Variants in DCTN5 observed in about 807,000 individuals in gnomAD.
DCTN5 encodes dynactin subunit 5.
A neutral mutation model predicts 23.5 loss-of-function variants in DCTN5; 14 were observed. That is an observed-to-expected ratio of 0.60 (90% CI 0.39 to 0.93). The LOEUF (loss-of-function observed/expected upper bound fraction) is 0.93, where lower values mean the gene tolerates loss of function less well. Ranked by LOEUF, DCTN5 falls within the 40% of genes least tolerant of loss-of-function variation. The pLI, the probability that DCTN5 is intolerant of heterozygous loss-of-function variation, is 0.00. For missense variants in DCTN5, 156 were observed against 225.9 expected, an observed-to-expected ratio of 0.69 and a Z score of 1.98; for synonymous variants, 67 against 79.6, an observed-to-expected ratio of 0.84 and a Z score of 0.84.
chr16:23,648,351 T>TTTTTTC (rs1567229636), intron 2 of DCTN5, among the ~76,000 whole-genome samples: 3 of 129,600 alleles, frequency 2.3e-5, no homozygotes. Context: ...TTTCTTTTTT[T>TTTTTTC]TTTTTTTTTT....
At chr16:23,665,175 G>T (rs1235944395) in intron 4 of DCTN5, among the ~76,000 whole-genome samples, 1 of 152,190 alleles carries the variant, frequency 6.6e-6, no homozygotes, top group African/African-American at 2.4e-5. Context: ...GTCATATGCT[G>T]ACCTGTTATT....
Position 23,645,083 on chromosome 16 carries a change from CTATATATATATATATATATATA to C in DCTN5, c.117+2094_117+2115del, listed in dbSNP as rs869302728. ...GTGTGAGCCACTGCACCCAGCCTAA[CTATATATATATATATATATATA>C]TATATATATATATATATATATATAT... On this transcript the variant is annotated intron_variant, in intron 2 of 5. Coordinates refer to ENST00000300087, the MANE Select transcript of DCTN5 (RefSeq NM_032486.4). 1.2e-3 allele frequency among the ~76,000 whole-genome samples: 41 copies of C among 33,124 alleles called. 2 individuals carry two copies. The highest frequency in any genetic ancestry group is 8.8e-3 in the East Asian group (5 of 568). The allele number at this position is 33,124 out of a possible 152,430, so 21.7% of individuals were successfully genotyped here.
At chr16:23,648,885 TC>T (rs1437814566) in intron 2 of DCTN5, among the ~76,000 whole-genome samples, 1 of 152,052 alleles carries the variant, frequency 6.6e-6, no homozygotes, top group Non-Finnish European at 1.5e-5. Flanking sequence ...TGAGACAGAA[TC>T]CCGCTCCATT....
chr16:23,650,415 T>G (rs1967574718), intron 2 of DCTN5, among the ~76,000 whole-genome samples: 1 of 151,964 alleles, frequency 6.6e-6, no homozygotes, highest in African/African-American at 2.4e-5. Context: ...ACCTCCAGGT[T>G]CAAGCGATTC....
chr16:23,650,317 T>C (rs1340053707), intron 2 of DCTN5, among the ~76,000 whole-genome samples: 2 of 152,092 alleles, frequency 1.3e-5, no homozygotes, highest in African/African-American at 4.8e-5. Flanking sequence ...CATTGTGGTC[T>C]GTGCATTTTA....
Position 23,675,861 on chromosome 16 carries a change from A to G in DCTN5, c.*8717A>G, listed in dbSNP as rs542100888. ...TGAGATGGATCAACTTGTATCCTGAACAAGCAAAACTGTTTGGGACTCACT... is the reference window on the plus strand; with the variant it reads ...TGAGATGGATCAACTTGTATCCTGAGCAAGCAAAACTGTTTGGGACTCACT... On this transcript the variant is annotated 3_prime_UTR_variant, in exon 6 of 6. Coordinates refer to ENST00000300087, the MANE Select transcript of DCTN5 (RefSeq NM_032486.4). The G allele has an allele frequency of 6.6e-6, 1 of 152,326 alleles. No individual in the cohort carries two copies. The highest frequency in any genetic ancestry group is 1.9e-4 in the East Asian group (1 of 5,188). 9.4% of individuals were successfully genotyped at this position (152,326 alleles called of 1,614,324 possible). A position where few individuals can be genotyped will look rare whatever the true frequency, so the allele number is the denominator to read the frequency against.
At chr16:23,651,908 G>A (rs766927381) in intron 2 of DCTN5, among the ~76,000 whole-genome samples, 9 of 152,044 alleles carry the variant, frequency 5.9e-5, no homozygotes, top group Admixed American at 4.6e-4. Context: ...GATGGCATGC[G>A]CCTGTAATCC....
intron 2 of DCTN5, among the ~76,000 whole-genome samples, chr16:23,656,483 A>G (rs1183064197): frequency 4.6e-5 from 7 of 151,902 alleles, no homozygotes; most frequent in Non-Finnish European, 1.0e-4. Flanking sequence ...TCTCCATGCC[A>G]TTTATATATT....
intron 2 of DCTN5, among the ~76,000 whole-genome samples, chr16:23,644,215 C>T (rs1384290353): frequency 2.6e-5 from 4 of 151,878 alleles, no homozygotes; most frequent in African/African-American, 9.7e-5. Flanking sequence ...GCAACTTCCA[C>T]CTCCTGGCAT....
intron 2 of DCTN5, among the ~76,000 whole-genome samples, chr16:23,653,145 A>G (rs530529095): frequency 2.2e-4 from 34 of 152,338 alleles, no homozygotes; most frequent in Non-Finnish European, 4.4e-4. Context: ...CTGTCCCCCA[A>G]AAAATGAAAA....
rs967917101 is a variant in DCTN5 at position 23,671,965 on chromosome 16, CATACCATG to C, written c.*4822_*4829del. 29 of 152,240 alleles carry C rather than the reference CATACCATG, an allele frequency of 1.9e-4. No individual in the cohort carries two copies. The highest frequency in any genetic ancestry group is 6.5e-4 in the African/African-American group (27 of 41,454). The allele number at this position is 152,240 out of a possible 1,614,324, so 9.4% of individuals were successfully genotyped here. A position where few individuals can be genotyped will look rare whatever the true frequency, so the allele number is the denominator to read the frequency against. On this transcript the variant is annotated 3_prime_UTR_variant, in exon 6 of 6. Coordinates refer to ENST00000300087, the MANE Select transcript of DCTN5 (RefSeq NM_032486.4). The stretch of plus-strand genomic sequence containing the variant: ...TGAAATTCACACCCACTCTGGCTTT[CATACCATG>C]GGTCTGAACATTAGCCCATGGTGTT...
intron 2 of DCTN5, among the ~76,000 whole-genome samples, chr16:23,644,982 G>A (rs1245051430): frequency 2.1e-5 from 3 of 141,292 alleles, no homozygotes; most frequent in African/African-American, 5.3e-5. Context: ...GTTTTGCCAC[G>A]TTGGCCAGGC....
At chr16:23,661,144 G>T in intron 3 of DCTN5, 26 bp from the exon 4 acceptor site, 1 of 1,528,548 alleles carries the variant, frequency 6.5e-7, no homozygotes. Context: ...TGACCTTTCT[G>T]TGTTCATCTT....
chr16:23,647,912 A>G (rs1967504837), intron 2 of DCTN5, among the ~76,000 whole-genome samples: 2 of 152,192 alleles, frequency 1.3e-5, no homozygotes, highest in Non-Finnish European at 2.9e-5. Flanking sequence ...AACACCAGTG[A>G]ACCCTATACC....
chr16:23,663,828 C>G (rs1238278115), intron 4 of DCTN5, among the ~76,000 whole-genome samples: 3 of 152,164 alleles, frequency 2.0e-5, no homozygotes, highest in African/African-American at 7.2e-5. Flanking sequence ...ATCAGTCTAC[C>G]CAGACAGCTT....
In DCTN5 at chr16:23,676,862, A is replaced by G. The variant is rs1959230114; in HGVS notation, c.*9718A>G. On this transcript the variant is annotated 3_prime_UTR_variant, in exon 6 of 6. Coordinates refer to ENST00000300087, the MANE Select transcript of DCTN5 (RefSeq NM_032486.4). Reference sequence around the variant, plus strand: ...CAGGAGGGTTCTCATTACTCCCTAAATGATAAGAGTGGCTCACTGTGCCTA... The same window carrying G: ...CAGGAGGGTTCTCATTACTCCCTAAGTGATAAGAGTGGCTCACTGTGCCTA... 6.6e-6 allele frequency: 1 copy of G among 152,186 alleles called. No individual in the cohort carries two copies. Among genetic ancestry groups the G allele is most frequent in the African/African-American group, 2.4e-5 (1 of 41,446 alleles). 9.4% of individuals were successfully genotyped at this position (152,186 alleles called of 1,614,324 possible).
intron 2 of DCTN5, among the ~76,000 whole-genome samples, chr16:23,645,265 AC>A (rs1456185995): frequency 6.7e-6 from 1 of 150,154 alleles, no homozygotes; most frequent in Non-Finnish European, 1.5e-5. Context: ...CTCCCCAGTT[AC>A]AGGCATGTGC....
Position 23,670,528 on chromosome 16 carries a change from A to C in DCTN5, c.*3384A>C, listed in dbSNP as rs1408904198. On this transcript the variant is annotated 3_prime_UTR_variant, in exon 6 of 6. Coordinates refer to ENST00000300087, the MANE Select transcript of DCTN5 (RefSeq NM_032486.4). The stretch of plus-strand genomic sequence containing the variant: ...AGAGCCTAGAGGGTGCTGCCCAGCC[A>C]TATTCTGGCTAGCCTCAGCGGTTCT... The C allele has an allele frequency of 6.6e-6, 1 of 152,152 alleles. No individual in the cohort carries two copies. The highest frequency in any genetic ancestry group is 1.5e-5 in the Non-Finnish European group (1 of 68,032). The allele number at this position is 152,152 out of a possible 1,614,324, so 9.4% of individuals were successfully genotyped here.
chr16:23,642,401 G>C (rs1967305638), intron 1 of DCTN5, among the ~76,000 whole-genome samples: 1 of 152,202 alleles, frequency 6.6e-6, no homozygotes, highest in African/African-American at 2.4e-5. Context: ...GCGTGGAAGT[G>C]GGATTTGAAT....
Sources: gnomAD v4.1 joint callset for allele counts (sites outside exome capture counted in the v4.1 genomes callset) on GRCh38, gnomAD v4.1.1 for gene constraint, MANE v1.5 for transcripts, NCBI Gene and HGNC (gene_info 2026-07-23, HGNC 2026-07-21) for gene names.